SRP54: variants seen among roughly 807,000 people sequenced by gnomAD.
SRP54 encodes the protein signal recognition particle subunit SRP54.
In SRP54, 10 loss-of-function variants were observed where a neutral mutation model predicts 64.8. The ratio of observed to expected loss-of-function variants is 0.15; its 90% CI spans 0.10 to 0.26. SRP54 has a LOEUF of 0.26. Ranked by LOEUF, SRP54 falls within the 10% of genes least tolerant of loss-of-function variation. SRP54 has a pLI of 1.00. For missense variants in SRP54, 325 were observed against 613.7 expected (o/e 0.53, Z 4.97); for synonymous variants, 193 against 185.6 (o/e 1.04, Z -0.32).
intron 1 of SRP54, among the ~76,000 whole-genome samples, chr14:34,987,472 A>T (rs2043917719): frequency 6.6e-6 from 1 of 152,094 alleles, no homozygotes; most frequent in South Asian, 2.1e-4. Flanking sequence ...GCCCTAAGCA[A>T]CTATTAATCC....
rs549536743 is a variant in SRP54 at position 35,002,109 on chromosome 14, C to G, written c.255+1089C>G. Among the ~76,000 whole-genome samples the G allele has an allele frequency of 2.6e-5, 4 of 152,064 alleles. No homozygotes were observed. The East Asian group carries it at 7.8e-4, about 30-fold the overall frequency. On this transcript the variant is annotated intron_variant, in intron 4 of 15. Coordinates refer to ENST00000216774, the MANE Select transcript of SRP54 (RefSeq NM_003136.4). ...GTGGCTCACATCTGTAATCCCAGCA[C>G]TGTGGGAGGCTGAGATGGGTAACCA...
chr14:35,014,685 G>T, intron 10 of SRP54, 59 bp from the exon 11 acceptor site: 1 of 1,285,508 alleles, frequency 7.8e-7, no homozygotes, highest in Non-Finnish European at 1.1e-6. Flanking sequence ...AATGTGTTTT[G>T]TATAATGTGA....
intron 1 of SRP54, among the ~76,000 whole-genome samples, chr14:34,983,526 T>C (rs1298865354): frequency 6.6e-6 from 1 of 152,242 alleles, no homozygotes; most frequent in African/African-American, 2.4e-5. Flanking sequence ...AAAATCCTTT[T>C]ACTTGTACGA....
At chr14:35,018,941 G>A (rs746897991) in intron 12 of SRP54, 25 bp from the exon 13 acceptor site, 1 of 1,594,844 alleles carries the variant, frequency 6.3e-7, no homozygotes, top group South Asian at 1.1e-5. Context: ...AGCTACTATT[G>A]ACTTTATGTT....
intron 4 of SRP54, among the ~76,000 whole-genome samples, chr14:35,002,443 CT>C (rs754182261): frequency 1.7e-3 from 252 of 144,516 alleles, no homozygotes; most frequent in African/African-American, 2.1e-3. Context: ...TGAATATTTT[CT>C]TTTTTTTTTT....
At position 34,988,578 on chromosome 14, in the gene SRP54, A is replaced by AATATAT. The variant is rs1555352766; in HGVS notation, c.-34+5375_-34+5380dup. On this transcript the variant is annotated intron_variant, in intron 1 of 15. Transcript: ENST00000216774. ...TCCATCTCAAAAAAAAAAAAAAAAA[A>AATATAT]ATATATATATATATATAACATATAT... Among the ~76,000 whole-genome samples the AATATAT allele has an allele frequency of 3.5e-3, 166 of 47,066 alleles. 12 individuals carry two copies. The highest frequency in any genetic ancestry group is 0.01 in the Middle Eastern group (1 of 96). 30.9% of individuals were successfully genotyped at this position (47,066 alleles called of 152,430 possible).
intron 7 of SRP54, among the ~76,000 whole-genome samples, chr14:35,010,807 G>GA (rs1566651091): frequency 1.3e-5 from 2 of 151,836 alleles, no homozygotes; most frequent in Non-Finnish European, 2.9e-5. Flanking sequence ...AAAAAAATTG[G>GA]AAAAACGTCA....
intron 5 of SRP54, among the ~76,000 whole-genome samples, 174 bp downstream of exon 5, chr14:35,007,561 A>G (rs939665480): frequency 2.0e-5 from 3 of 147,130 alleles, no homozygotes; most frequent in African/African-American, 7.4e-5. Context: ...TTTTATATAA[A>G]ATATATTTAC....
At chr14:34,998,329 T>C (rs112351818) in intron 2 of SRP54, among the ~76,000 whole-genome samples, 9 of 152,188 alleles carry the variant, frequency 5.9e-5, no homozygotes, top group Non-Finnish European at 1.3e-4. Flanking sequence ...GCCTCATCTT[T>C]TCTTAAGACT....
At chr14:35,015,617 A>G (rs1306024440) in intron 11 of SRP54, among the ~76,000 whole-genome samples, 1 of 127,838 alleles carries the variant, frequency 7.8e-6, no homozygotes, top group Non-Finnish European at 1.9e-5. Flanking sequence ...CATAATACTA[A>G]CTACTTCATA....
At chr14:34,991,993 G>A (rs1044989226) in intron 1 of SRP54, among the ~76,000 whole-genome samples, 1 of 152,214 alleles carries the variant, frequency 6.6e-6, no homozygotes, top group East Asian at 1.9e-4. Flanking sequence ...GAGTGCAGTG[G>A]CACCATCTCG....
At chr14:34,999,682 CAGTTT>C in intron 3 of SRP54, 33 bp downstream of exon 3, 3 of 1,487,476 alleles carry the variant, frequency 2.0e-6, no homozygotes, top group South Asian at 2.3e-5. Context: ...AACACAGGCA[CAGTTT>C]AGTTTAGTTT....
At chr14:34,999,002 TG>T (rs58680521) in intron 2 of SRP54, among the ~76,000 whole-genome samples, 36 of 82,710 alleles carry the variant, frequency 4.4e-4, no homozygotes, top group East Asian at 2.6e-3. Flanking sequence ...TGTGTGTGTG[TG>T]TGTGTGTGTG....
Position 35,029,196 on chromosome 14 carries a change from T to G in SRP54, c.*44T>G. ...AACTGACTCAGTTGAATACCTAATTTGCTGAGACCTCAGCGTTTCCCTTCT... is the reference window on the plus strand; with the variant it reads ...AACTGACTCAGTTGAATACCTAATTGGCTGAGACCTCAGCGTTTCCCTTCT... On this transcript the variant is annotated 3_prime_UTR_variant, in exon 16 of 16. Coordinates refer to ENST00000216774, the MANE Select transcript of SRP54 (RefSeq NM_003136.4). 1 of 1,502,440 alleles carries G rather than the reference T, an allele frequency of 6.7e-7. No homozygotes were observed. The highest frequency in any genetic ancestry group is 1.4e-5 in the African/African-American group (1 of 72,186). 93.1% of individuals were successfully genotyped at this position (1,502,440 alleles called of 1,614,324 possible). A position where few individuals can be genotyped will look rare whatever the true frequency, so the allele number is the denominator to read the frequency against.
At chr14:35,010,714 G>A (rs1028103849) in intron 7 of SRP54, among the ~76,000 whole-genome samples, 5 of 151,848 alleles carry the variant, frequency 3.3e-5, no homozygotes, top group Non-Finnish European at 7.4e-5. Flanking sequence ...GCAGTGAGCC[G>A]AGATCGCACC....
chr14:35,010,378 A>C (rs2044336650), intron 7 of SRP54, among the ~76,000 whole-genome samples: 1 of 152,102 alleles, frequency 6.6e-6, no homozygotes, highest in South Asian at 2.1e-4. Flanking sequence ...CCCGGGAGGC[A>C]GAGGTTGCGG....
At chr14:35,001,438 A>G (rs1468316957) in intron 4 of SRP54, among the ~76,000 whole-genome samples, 1 of 152,206 alleles carries the variant, frequency 6.6e-6, no homozygotes, top group Non-Finnish European at 1.5e-5. Flanking sequence ...GGTGTGAACC[A>G]CTGCACCTGG....
intron 13 of SRP54, among the ~76,000 whole-genome samples, chr14:35,019,830 T>C (rs181482926): frequency 6.6e-6 from 1 of 152,330 alleles, no homozygotes; most frequent in Non-Finnish European, 1.5e-5. Flanking sequence ...CTGTAGTCTA[T>C]TAAGTGTGCA....
chr14:35,010,008 C>T lies in SRP54; in HGVS notation c.485+1177C>T, dbSNP rs538353776. On this transcript the variant is annotated intron_variant, in intron 7 of 15. Coordinates refer to ENST00000216774, the MANE Select transcript of SRP54 (RefSeq NM_003136.4). ...ACTAAAAATACAGAAATTAGCTGGGCGTGGTAGTGGGTGCCTGTAATCCTA... is the reference window on the plus strand; with the variant it reads ...ACTAAAAATACAGAAATTAGCTGGGTGTGGTAGTGGGTGCCTGTAATCCTA... Among the ~76,000 whole-genome samples the T allele has an allele frequency of 3.0e-3, 455 of 151,594 alleles. 3 individuals carry two copies. The highest frequency in any genetic ancestry group is 0.011 in the African/African-American group (441 of 41,270).
Sources: allele counts gnomAD v4.1 joint callset (sites outside exome capture counted in the v4.1 genomes callset), GRCh38; gene constraint gnomAD v4.1.1; transcripts MANE v1.5; gene names NCBI Gene and HGNC (gene_info 2026-07-23, HGNC 2026-07-21).